Variants in NAV2 observed in about 807,000 individuals in gnomAD.
NAV2 encodes helicase, APC down-regulated 1.
In NAV2, 54 loss-of-function variants were observed where a neutral mutation model predicts 223.2. The ratio of observed to expected loss-of-function variants is 0.24; its 90% CI spans 0.19 to 0.30. The LOEUF (loss-of-function observed/expected upper bound fraction) is 0.30. NAV2 is among the 10% of genes least tolerant of loss of function. NAV2 has a pLI of 1.00. For missense variants in NAV2, 2,806 were observed against 3,147.5 expected, an observed-to-expected ratio of 0.89 and a Z score of 2.60; for synonymous variants, 1,279 against 1,239.3, an observed-to-expected ratio of 1.03 and a Z score of -0.67.
intron 1 of NAV2, among the ~76,000 whole-genome samples, chr11:19,546,579 C>T (rs905732286): frequency 5.3e-5 from 8 of 152,322 alleles, no homozygotes; most frequent in South Asian, 2.1e-4. Context: ...CTGGTCACCA[C>T]GGCAACCACC....
chr11:19,496,433 A>T (rs1301223113), intron 1 of NAV2, among the ~76,000 whole-genome samples: 4 of 152,208 alleles, frequency 2.6e-5, no homozygotes, highest in Non-Finnish European at 5.9e-5. Flanking sequence ...TGTTTCTGAG[A>T]TGATTTACCC....
intron 5 of NAV2, among the ~76,000 whole-genome samples, chr11:19,886,898 A>G (rs1463604961): frequency 1.3e-5 from 2 of 152,076 alleles, no homozygotes; most frequent in Non-Finnish European, 2.9e-5. Flanking sequence ...TCTTTGAGAT[A>G]CGCTTTTGTC....
intron 10 of NAV2, among the ~76,000 whole-genome samples, chr11:19,977,550 G>A (rs1046620632): frequency 2.0e-5 from 3 of 152,204 alleles, no homozygotes; most frequent in South Asian, 2.1e-4. Flanking sequence ...GGGGACAAAG[G>A]TTTTGATAAA....
intron 28 of NAV2, among the ~76,000 whole-genome samples, chr11:20,092,880 C>T (rs779482013): frequency 6.6e-6 from 1 of 152,228 alleles, no homozygotes; most frequent in Non-Finnish European, 1.5e-5. Flanking sequence ...CACTTCCATC[C>T]GGCAAGGTGC....
chr11:20,100,546 G>A (rs1267414337), intron 31 of NAV2, among the ~76,000 whole-genome samples: 1 of 141,764 alleles, frequency 7.1e-6, no homozygotes, highest in South Asian at 2.3e-4. Context: ...ATACTAGAGG[G>A]GTGTGTGTGT....
chr11:19,671,179 T>G (rs1052651494), intron 1 of NAV2, among the ~76,000 whole-genome samples: 1 of 152,230 alleles, frequency 6.6e-6, no homozygotes, highest in African/African-American at 2.4e-5. Flanking sequence ...TTCTTGAGAT[T>G]TCCCTAGTTT....
At position 19,800,826 on chromosome 11, in the gene NAV2, A is replaced by C. The variant is rs574322288; in HGVS notation, c.268-31658A>C. Among the ~76,000 whole-genome samples the C allele has an allele frequency of 2.3e-4, 35 of 152,280 alleles. 2 individuals carry two copies. Among genetic ancestry groups the C allele is most frequent in the Non-Finnish European group, 4.1e-4 (28 of 68,018 alleles). Reference sequence around the variant, plus strand: ...GTGTGGAAGCAACATTGGGTTCTCCAAAAACCTGGGATCCCAGTCTGGTCT... The same window carrying C: ...GTGTGGAAGCAACATTGGGTTCTCCCAAAACCTGGGATCCCAGTCTGGTCT... On this transcript the variant is annotated intron_variant, in intron 1 of 37. Coordinates refer to ENST00000349880, the MANE Select transcript of NAV2 (RefSeq NM_145117.5).
chr11:19,528,166 AT>A (rs111523999), intron 1 of NAV2, among the ~76,000 whole-genome samples: 25 of 152,286 alleles, frequency 1.6e-4, no homozygotes, highest in African/African-American at 6.0e-4. Flanking sequence ...CCCCAGTTTC[AT>A]GTTTTTAATC....
At chr11:19,922,229 C>G (rs980597743) in intron 6 of NAV2, among the ~76,000 whole-genome samples, 18 of 152,110 alleles carry the variant, frequency 1.2e-4, no homozygotes, top group African/African-American at 4.3e-4. Context: ...TCATGGACTG[C>G]TCTGGCAGGT....
intron 3 of NAV2, among the ~76,000 whole-genome samples, chr11:19,867,461 G>A (rs1314521629): frequency 1.3e-5 from 2 of 152,200 alleles, no homozygotes; most frequent in South Asian, 4.1e-4. Flanking sequence ...GGTCATCCAC[G>A]GGGCTGGACA....
At chr11:20,103,445 A>G (rs2061784044) in intron 33 of NAV2, 36 bp downstream of exon 33, 1 of 1,601,222 alleles carries the variant, frequency 6.2e-7, no homozygotes, top group Admixed American at 1.7e-5. Context: ...GCCCCCCGGG[A>G]GAGAGTGCTG....
intron 1 of NAV2, among the ~76,000 whole-genome samples, chr11:19,495,124 T>C (rs918589637): frequency 1.3e-5 from 2 of 152,196 alleles, no homozygotes; most frequent in Admixed American, 6.5e-5. Context: ...ATCAGCCCCT[T>C]AGGTCACAGC....
intron 1 of NAV2, among the ~76,000 whole-genome samples, chr11:19,465,089 G>C (rs949929367): frequency 6.6e-6 from 1 of 152,202 alleles, no homozygotes; most frequent in Admixed American, 6.5e-5. Context: ...CTGAGATAGT[G>C]TTGATTATTG....
At chr11:19,372,905 G>A (rs951514416) in intron 1 of NAV2, among the ~76,000 whole-genome samples, 1 of 152,102 alleles carries the variant, frequency 6.6e-6, no homozygotes, top group Non-Finnish European at 1.5e-5. Context: ...TTATCCAGAT[G>A]GGAGAATATT....
intron 1 of NAV2, among the ~76,000 whole-genome samples, chr11:19,695,270 C>A: frequency 6.6e-6 from 1 of 152,228 alleles, no homozygotes; most frequent in East Asian, 1.9e-4. Context: ...TTGGAGTCTG[C>A]AATCCAAGTT....
At chr11:19,514,724 C>T (rs1433614021) in intron 1 of NAV2, among the ~76,000 whole-genome samples, 1 of 152,190 alleles carries the variant, frequency 6.6e-6, no homozygotes, top group Non-Finnish European at 1.5e-5. Context: ...GTCTCCAACA[C>T]TGATTTACTT....
chr11:19,708,098 A>G (rs1051446697), upstream of NAV2, among the ~76,000 whole-genome samples: 1 of 152,198 alleles, frequency 6.6e-6, no homozygotes, highest in Non-Finnish European at 1.5e-5. Flanking sequence ...CATTGGGCAT[A>G]CTGATTTGCA....
chr11:19,842,884 T>G lies in NAV2; in HGVS notation c.399T>G (p.Ile133Met). Residue 133 changes from isoleucine to methionine, a missense_variant, in exon 3 of 38, where the codon ATT (isoleucine) becomes ATG (methionine). Coordinates refer to ENST00000349880, the MANE Select transcript of NAV2 (RefSeq NM_145117.5). ...TTCCTTTTTCAGCAAATGAAAAGAT[T>G]GAAGACATCAATGGCTGTCCGAAGA... The part of the protein sequence containing the change: ...QIIQVVANEK[I>M]EDINGCPKNR... 1 of 1,614,082 alleles carries G rather than the reference T, an allele frequency of 6.2e-7. No individual in the cohort carries two copies. The highest frequency in any genetic ancestry group is 8.5e-7 in the Non-Finnish European group (1 of 1,179,936).
In NAV2 at chr11:20,105,718, G is replaced by A. The variant is rs530456209; in HGVS notation, c.6832G>A (p.Val2278Ile). 20 of 1,611,540 alleles carry A rather than the reference G, an allele frequency of 1.2e-5. No homozygotes were observed. Among genetic ancestry groups the A allele is most frequent in the African/African-American group, 5.3e-5 (4 of 74,960 alleles). Residue 2278 changes from valine (V) to isoleucine (I), a missense_variant, in exon 35 of 38, where the codon GTC (valine) becomes ATC (isoleucine). By Grantham distance (29) the Val-to-Ile change is conservative. Around this residue, in one of 4 missense-constraint regions of NAV2, gnomAD observed 824 missense variants for 1,069.4 expected, o/e 0.77. Transcript: ENST00000349880. ...CCTGGAGGCTCACAGTTCCTCGGACGTCACCATCGGTGGGTGGGAGACTGG... is the reference window on the plus strand; with the variant it reads ...CCTGGAGGCTCACAGTTCCTCGGACATCACCATCGGTGGGTGGGAGACTGG... ...RFLEAHSSSD[V>I]TIGPRLFLSC...
Sources: allele counts gnomAD v4.1 joint callset (sites outside exome capture counted in the v4.1 genomes callset), GRCh38; gene constraint gnomAD v4.1.1; regional missense constraint gnomAD v4.1.1; transcripts MANE v1.5; gene names NCBI Gene and HGNC (gene_info 2026-07-23, HGNC 2026-07-21).